Variants in PYROXD1 observed in about 807,000 individuals in gnomAD.
The protein encoded by PYROXD1 is tRNA ligase complex-associated NAD(P)H dehydrogenase PYROXD1.
A neutral mutation model predicts 62.0 loss-of-function variants in PYROXD1; 42 were observed. The observed-to-expected ratio is 0.68, with a 90% confidence interval of 0.53 to 0.88. The LOEUF (loss-of-function observed/expected upper bound fraction) is 0.88. PYROXD1 is among the 40% of genes least tolerant of loss of function. The pLI, the probability that PYROXD1 is intolerant of heterozygous loss-of-function variation, is 0.00. For synonymous variants in PYROXD1, 170 were observed against 206.4 expected, an observed-to-expected ratio of 0.82 and a Z score of 1.51; for missense variants, 493 against 604.8, an observed-to-expected ratio of 0.82 and a Z score of 1.94.
intron 7 of PYROXD1, among the ~76,000 whole-genome samples, chr12:21,459,931 C>T (rs1000227813): frequency 1.3e-5 from 2 of 152,168 alleles, no homozygotes; most frequent in African/African-American, 4.8e-5. Flanking sequence ...CAGATGCATG[C>T]AGTAAACTTA....
In PYROXD1 at chr12:21,445,392, AC is replaced by A. The variant is rs1942367592; in HGVS notation, c.213del (p.Met72CysfsTer2). On this transcript the variant is annotated frameshift_variant, in exon 3 of 12. Coordinates refer to ENST00000240651, the MANE Select transcript of PYROXD1 (RefSeq NM_024854.5). LOFTEE classifies it high-confidence loss of function. ...EEFDVEEQSS[T>X]MLGKRFPNIK... The stretch of plus-strand genomic sequence containing the variant: ...ATTCGATGTTGAAGAACAATCAAGT[AC>A]CATGTTAGGAAAACGCTTTCCCAAC... 1 of 1,610,032 alleles carries A rather than the reference AC, an allele frequency of 6.2e-7. No homozygotes were observed. The highest frequency in any genetic ancestry group is 1.3e-5 in the African/African-American group (1 of 74,842).
rs1428197573 is a variant in PYROXD1, at chr12:21,437,803, T to A, written c.73T>A (p.Cys25Ser). Residue 25 changes from cysteine to serine, a missense_variant, in exon 1 of 12, where the codon TGT (cysteine) becomes AGT (serine). Physicochemically the swap from Cys to Ser is moderately radical, Grantham distance 112. Coordinates refer to ENST00000240651, the MANE Select transcript of PYROXD1 (RefSeq NM_024854.5). ...CGGCGGCGGCATCGCGGGCGTCACT[T>A]GTGCGGAGCAGGTAGGGCGGTGCTC... is the stretch of plus-strand genomic sequence containing the variant. ...VVGGGIAGVT[C>S]AEQLATHFPS... 9 of 1,612,572 alleles carry A rather than the reference T, an allele frequency of 5.6e-6. No individual in the cohort carries two copies. Among genetic ancestry groups the A allele is most frequent in the Non-Finnish European group, 6.8e-6 (8 of 1,179,650 alleles).
intron 10 of PYROXD1, among the ~76,000 whole-genome samples, chr12:21,463,373 A>G (rs947168804): frequency 3.3e-5 from 5 of 152,144 alleles, no homozygotes; most frequent in Non-Finnish European, 7.4e-5. Flanking sequence ...TTATGATCCT[A>G]TTCTGTCCCT....
chr12:21,470,766 T>C lies in PYROXD1; in HGVS notation c.*2012T>C, dbSNP rs1008117823. On this transcript the variant is annotated 3_prime_UTR_variant, in exon 12 of 12. Coordinates refer to ENST00000240651, the MANE Select transcript of PYROXD1 (RefSeq NM_024854.5). ...ATTCCAAGAAACTGGAAACCCCTAGTTTATGTTAAAAGGCCAGTCTAAATT... is the reference window on the plus strand; with the variant it reads ...ATTCCAAGAAACTGGAAACCCCTAGCTTATGTTAAAAGGCCAGTCTAAATT... The C allele has an allele frequency of 2.6e-6, 1 of 383,082 alleles. No homozygotes were observed. The highest frequency in any genetic ancestry group is 2.1e-5 in the African/African-American group (1 of 47,816). 23.7% of individuals were successfully genotyped at this position (383,082 alleles called of 1,614,324 possible).
intron 9 of PYROXD1, among the ~76,000 whole-genome samples, chr12:21,462,369 G>A (rs978571155): frequency 2.6e-5 from 4 of 151,914 alleles, no homozygotes; most frequent in Non-Finnish European, 4.4e-5. Context: ...TCTAAATGTT[G>A]GTAAGAGACT....
chr12:21,460,448 G>A (rs1466939994), intron 7 of PYROXD1, among the ~76,000 whole-genome samples: 1 of 148,464 alleles, frequency 6.7e-6, no homozygotes, highest in Non-Finnish European at 1.5e-5. Context: ...TTTTGAGACA[G>A]AGTCTCGCTC....
intron 2 of PYROXD1, among the ~76,000 whole-genome samples, 157 bp from the exon 3 acceptor site, chr12:21,445,190 A>C (rs973312982): frequency 7.9e-5 from 12 of 152,208 alleles, no homozygotes; most frequent in Non-Finnish European, 1.8e-4. Context: ...CTAAATGCTG[A>C]GTCTAGTCCT....
chr12:21,458,156 C>T (rs1942633245), intron 7 of PYROXD1, among the ~76,000 whole-genome samples: 1 of 152,174 alleles, frequency 6.6e-6, no homozygotes, highest in South Asian at 2.1e-4. Flanking sequence ...CACTGAAAAT[C>T]TACTGTTTAG....
chr12:21,448,131 A>T, intron 3 of PYROXD1: 1 of 676,936 alleles, frequency 1.5e-6, no homozygotes, highest in Admixed American at 1.9e-5. Flanking sequence ...TTCTCTTTTT[A>T]CAGTAAATTC....
chr12:21,465,362 C>G (rs1222265824), intron 10 of PYROXD1, among the ~76,000 whole-genome samples: 1 of 152,200 alleles, frequency 6.6e-6, no homozygotes. Context: ...GATTGCCATT[C>G]TAACTGGTGT....
chr12:21,441,487 G>T, intron 2 of PYROXD1, among the ~76,000 whole-genome samples: 1 of 151,188 alleles, frequency 6.6e-6, no homozygotes. Context: ...CTTCCCTTCT[G>T]ACTGTATATT....
At chr12:21,458,222 T>G (rs1942634350) in intron 7 of PYROXD1, among the ~76,000 whole-genome samples, 1 of 152,212 alleles carries the variant, frequency 6.6e-6, no homozygotes, top group Non-Finnish European at 1.5e-5. Context: ...GATGGCTTCT[T>G]TACTTAAACA....
intron 5 of PYROXD1, among the ~76,000 whole-genome samples, chr12:21,454,279 A>G (rs187270941): frequency 6.6e-6 from 1 of 152,156 alleles, no homozygotes; most frequent in Admixed American, 6.5e-5. Context: ...ACAGTATTTT[A>G]TTAGTATCGC....
intron 2 of PYROXD1, 118 bp from the exon 3 acceptor site, chr12:21,445,229 A>G (rs1300078896): frequency 2.7e-6 from 3 of 1,112,570 alleles, no homozygotes; most frequent in Admixed American, 3.4e-5. Flanking sequence ...GCAGTTGGCT[A>G]ACTTGTTTGT....
At chr12:21,448,138 A>G in intron 3 of PYROXD1, 1 of 675,892 alleles carries the variant, frequency 1.5e-6, no homozygotes, top group Non-Finnish European at 2.8e-6. Flanking sequence ...TTTACAGTAA[A>G]TTCATGGCCA....
chr12:21,458,921 A>G (rs1194043565), intron 7 of PYROXD1, among the ~76,000 whole-genome samples: 1 of 152,240 alleles, frequency 6.6e-6, no homozygotes, highest in East Asian at 1.9e-4. Flanking sequence ...AAGTGAGCAC[A>G]TGCTATTGGA....
rs1234974000 is a variant in PYROXD1, at chr12:21,471,166, A to T, written c.*2412A>T. On this transcript the variant is annotated 3_prime_UTR_variant, in exon 12 of 12. Coordinates refer to ENST00000240651, the MANE Select transcript of PYROXD1 (RefSeq NM_024854.5). ...ATCACGGAAAACAAATTTATAAAAG[A>T]AATAACTATATGCGCAGTAATTCTT... The T allele has an allele frequency of 7.1e-7, 1 of 1,414,490 alleles. No homozygotes were observed. The highest frequency in any genetic ancestry group is 9.5e-7 in the Non-Finnish European group (1 of 1,057,490). The allele number at this position is 1,414,490 out of a possible 1,614,324, so 87.6% of individuals were successfully genotyped here. A position where few individuals can be genotyped will look rare whatever the true frequency, so the allele number is the denominator to read the frequency against.
chr12:21,440,557 C>CAGTT, intron 2 of PYROXD1, 109 bp downstream of exon 2: 1 of 625,974 alleles, frequency 1.6e-6, no homozygotes. Flanking sequence ...TTGACAAGTA[C>CAGTT]AGTTATATGC....
At chr12:21,437,911 G>T in intron 1 of PYROXD1, 97 bp downstream of exon 1, 10 of 1,185,086 alleles carry the variant, frequency 8.4e-6, no homozygotes, top group Non-Finnish European at 1.2e-5. Context: ...TCTTCTTCCG[G>T]GTTCCTTTTT....
Sources: gnomAD v4.1 joint callset for allele counts (sites outside exome capture counted in the v4.1 genomes callset) on GRCh38, gnomAD v4.1.1 for gene constraint, MANE v1.5 for transcripts, NCBI Gene and HGNC (gene_info 2026-07-23, HGNC 2026-07-21) for gene names.